LRP1B: variants seen among roughly 807,000 people sequenced by gnomAD.
The protein encoded by LRP1B is low-density lipoprotein receptor-related protein 1B.
In LRP1B, 217 loss-of-function variants were observed where a neutral mutation model predicts 556.6. The observed-to-expected ratio is 0.39, with a 90% CI of 0.35 to 0.44. The LOEUF (loss-of-function observed/expected upper bound fraction) is 0.44. Ranked by LOEUF, LRP1B falls within the 20% of genes least tolerant of loss-of-function variation. LRP1B has a pLI of 1.00. For synonymous variants in LRP1B, 2,047 were observed against 1,865.8 expected (o/e 1.10, Z -2.50); for missense variants, 5,053 against 5,620.8 (o/e 0.90, Z 3.23).
intron 6 of LRP1B, among the ~76,000 whole-genome samples, chr2:141,212,445 AT>A (rs77370519): frequency 0.073 from 10,299 of 141,566 alleles, 436 homozygotes; most frequent in East Asian, 0.15. Flanking sequence ...CGCCCGGATA[AT>A]TTTTTTTTTT....
intron 79 of LRP1B, among the ~76,000 whole-genome samples, chr2:140,333,254 C>T (rs1232384162): frequency 2.0e-5 from 3 of 152,058 alleles, no homozygotes; most frequent in African/African-American, 4.8e-5. Flanking sequence ...CTTCTCTGAT[C>T]ATAACTAAAA....
At chr2:140,462,795 T>A (rs1244627268) in intron 60 of LRP1B, among the ~76,000 whole-genome samples, 1 of 152,148 alleles carries the variant, frequency 6.6e-6, no homozygotes, top group Non-Finnish European at 1.5e-5. Flanking sequence ...TCAAAAAGCA[T>A]CCATGACACC....
At chr2:140,476,665 A>G (rs1687987519) in intron 59 of LRP1B, among the ~76,000 whole-genome samples, 1 of 152,046 alleles carries the variant, frequency 6.6e-6, no homozygotes, top group Non-Finnish European at 1.5e-5. Context: ...TTATAAAGAT[A>G]ATACAAAAGT....
At chr2:141,674,929 T>C (rs1053003438) in intron 2 of LRP1B, among the ~76,000 whole-genome samples, 9 of 152,074 alleles carry the variant, frequency 5.9e-5, no homozygotes, top group Admixed American at 4.6e-4. Flanking sequence ...TCTATGTTAG[T>C]GTCCTCAAAA....
At chr2:140,854,050 C>T (rs866333295) in intron 27 of LRP1B, among the ~76,000 whole-genome samples, 5 of 135,006 alleles carry the variant, frequency 3.7e-5, no homozygotes, top group African/African-American at 1.5e-4. Context: ...CAAATTCCCC[C>T]ATATCTGAAT....
intron 3 of LRP1B, among the ~76,000 whole-genome samples, chr2:141,470,556 T>C (rs1346595976): frequency 6.6e-6 from 1 of 152,194 alleles, no homozygotes; most frequent in Non-Finnish European, 1.5e-5. Context: ...TCTGGGTTGA[T>C]ATGTTAAGGC....
intron 2 of LRP1B, among the ~76,000 whole-genome samples, chr2:141,698,101 T>G (rs1052637642): frequency 6.6e-6 from 1 of 151,906 alleles, no homozygotes; most frequent in East Asian, 1.9e-4. Context: ...AGTGACTGCA[T>G]GAAAGCATTC....
intron 1 of LRP1B, among the ~76,000 whole-genome samples, chr2:142,123,220 C>G (rs755728235): frequency 3.9e-5 from 6 of 151,994 alleles, no homozygotes; most frequent in African/African-American, 7.2e-5. Context: ...CTCCCCAAAA[C>G]TCATTGTTAG....
rs142051556 is a variant in LRP1B, at chr2:140,727,713, G to A, written c.5759-10897C>T. ...TGAGCATAAACTATGATGACAGCCAGTTCAGAATCCATCCAGTGCCTCAGT... is the reference window on the plus strand; with the variant it reads ...TGAGCATAAACTATGATGACAGCCAATTCAGAATCCATCCAGTGCCTCAGT... On this transcript the variant is annotated intron_variant, in intron 35 of 90. Transcript: ENST00000389484. Among the ~76,000 whole-genome samples the A allele has an allele frequency of 4.4e-3, 673 of 152,282 alleles. 5 individuals carry two copies. Among genetic ancestry groups the A allele is most frequent in the African/African-American group, 0.014 (596 of 41,562 alleles).
intron 3 of LRP1B, among the ~76,000 whole-genome samples, chr2:141,282,577 TTCC>T (rs1218350382): frequency 6.6e-5 from 10 of 151,654 alleles, no homozygotes; most frequent in Non-Finnish European, 1.2e-4. Flanking sequence ...TAGGTTAGTC[TTCC>T]AGGAGATTTC....
intron 27 of LRP1B, among the ~76,000 whole-genome samples, chr2:140,858,404 A>C (rs749138566): frequency 1.3e-5 from 2 of 150,912 alleles, no homozygotes; most frequent in Non-Finnish European, 3.0e-5. Flanking sequence ...ACAATGTATT[A>C]TGTATGTATG....
At chr2:141,550,924 C>A (rs1191473585) in intron 2 of LRP1B, among the ~76,000 whole-genome samples, 1 of 151,686 alleles carries the variant, frequency 6.6e-6, no homozygotes, top group Non-Finnish European at 1.5e-5. Flanking sequence ...GTAATTTTAC[C>A]AAGAGAAAAC....
intron 2 of LRP1B, among the ~76,000 whole-genome samples, chr2:141,774,104 TA>T (rs1694983940): frequency 6.6e-6 from 1 of 152,222 alleles, no homozygotes; most frequent in African/African-American, 2.4e-5. Context: ...AAATCACAAT[TA>T]AAATCACATT....
intron 1 of LRP1B, among the ~76,000 whole-genome samples, chr2:141,824,410 A>G (rs1036608980): frequency 6.6e-6 from 1 of 152,180 alleles, no homozygotes; most frequent in Non-Finnish European, 1.5e-5. Context: ...CCCAGGCTGG[A>G]ATGCAGTGGC....
At chr2:141,671,290 A>T (rs778318727) in intron 2 of LRP1B, among the ~76,000 whole-genome samples, 25 of 152,186 alleles carry the variant, frequency 1.6e-4, no homozygotes, top group Non-Finnish European at 1.2e-4. Flanking sequence ...CTAAGGTCAG[A>T]TTCTCTAGAA....
intron 66 of LRP1B, among the ~76,000 whole-genome samples, chr2:140,386,254 C>A (rs1326570515): frequency 6.6e-6 from 1 of 152,140 alleles, no homozygotes; most frequent in Admixed American, 6.6e-5. Context: ...ACCATCCAAG[C>A]AAAGTCAACA....
chr2:141,878,974 T>C (rs577724324), intron 1 of LRP1B, among the ~76,000 whole-genome samples: 1 of 151,996 alleles, frequency 6.6e-6, no homozygotes, highest in East Asian at 1.9e-4. Context: ...CCTTACTATT[T>C]TTGAGAGGGG....
chr2:141,916,763 A>G (rs1700047186), intron 1 of LRP1B, among the ~76,000 whole-genome samples: 1 of 152,026 alleles, frequency 6.6e-6, no homozygotes, highest in Admixed American at 6.6e-5. Flanking sequence ...ACTGGGAACT[A>G]CTAGAGTGGG....
At chr2:141,022,945 T>G (rs1698106904) in intron 11 of LRP1B, among the ~76,000 whole-genome samples, 1 of 152,020 alleles carries the variant, frequency 6.6e-6, no homozygotes, top group South Asian at 2.1e-4. Flanking sequence ...CTCCCTTAGC[T>G]TTCACAAAAT....
Sources: allele counts gnomAD v4.1 joint callset (sites outside exome capture counted in the v4.1 genomes callset), GRCh38; gene constraint gnomAD v4.1.1; transcripts MANE v1.5; gene names NCBI Gene and HGNC (gene_info 2026-07-23, HGNC 2026-07-21).